Variants in SPOCK1 observed in about 807,000 individuals in gnomAD.
The protein encoded by SPOCK1 is SPARC (osteonectin), cwcv and kazal like domains proteoglycan 1.
A neutral mutation model predicts 55.3 loss-of-function variants in SPOCK1; 23 were observed. The ratio of observed to expected loss-of-function variants is 0.42; its 90% CI spans 0.30 to 0.59. SPOCK1 has a LOEUF of 0.59. Among genes scored for constraint, SPOCK1 ranks in the 20% least tolerant of loss-of-function variants. SPOCK1 has a pLI of 0.22. For synonymous variants in SPOCK1, 226 were observed against 221.0 expected (o/e 1.02, Z -0.20); for missense variants, 499 against 552.5 (o/e 0.90, Z 0.97).
At chr5:137,116,922 A>C (rs1357412135) in intron 4 of SPOCK1, among the ~76,000 whole-genome samples, 1 of 152,098 alleles carries the variant, frequency 6.6e-6, no homozygotes, top group Admixed American at 6.5e-5. Flanking sequence ...CCTGGCTAAA[A>C]TATCAGTTCC....
intron 5 of SPOCK1, among the ~76,000 whole-genome samples, chr5:137,073,870 T>G (rs562952351): frequency 3.9e-5 from 6 of 152,334 alleles, no homozygotes; most frequent in African/African-American, 1.4e-4. Flanking sequence ...ATAGTGTTAT[T>G]ATTACACAAA....
At chr5:137,157,889 G>A (rs923638642) in intron 3 of SPOCK1, among the ~76,000 whole-genome samples, 17 of 152,150 alleles carry the variant, frequency 1.1e-4, no homozygotes, top group African/African-American at 3.4e-4. Flanking sequence ...GTGAAACCCC[G>A]TCTTTACTAA....
chr5:137,255,460 GT>G (rs1177083769), intron 3 of SPOCK1, among the ~76,000 whole-genome samples: 1 of 152,096 alleles, frequency 6.6e-6, no homozygotes, highest in Non-Finnish European at 1.5e-5. Context: ...ATACTCAAAT[GT>G]TTTTTCTTAT....
At chr5:137,363,069 A>G (rs1229708) in intron 2 of SPOCK1, among the ~76,000 whole-genome samples, 75,002 of 152,034 alleles carry the variant, frequency 0.49, 18,906 homozygotes, top group East Asian at 0.65. Flanking sequence ...CCTTCACCAC[A>G]TGAACACGTA....
At chr5:137,132,580 G>C (rs1043829808) in intron 4 of SPOCK1, among the ~76,000 whole-genome samples, 9 of 152,186 alleles carry the variant, frequency 5.9e-5, no homozygotes, top group Admixed American at 2.0e-4. Flanking sequence ...CAGGAAATCG[G>C]AGGGCATTGC....
At chr5:137,289,869 T>C (rs1438054061) in intron 2 of SPOCK1, among the ~76,000 whole-genome samples, 4 of 152,104 alleles carry the variant, frequency 2.6e-5, no homozygotes, top group African/African-American at 7.2e-5. Flanking sequence ...AAAGTATGAA[T>C]AGGCACTTTA....
At chr5:137,377,531 A>C (rs961724880) in intron 2 of SPOCK1, among the ~76,000 whole-genome samples, 2 of 152,230 alleles carry the variant, frequency 1.3e-5, no homozygotes, top group African/African-American at 4.8e-5. Context: ...AAATATTTTA[A>C]TGTGTGATGT....
chr5:137,419,316 A>C (rs1468759747), intron 2 of SPOCK1, among the ~76,000 whole-genome samples: 1 of 152,120 alleles, frequency 6.6e-6, no homozygotes, highest in Non-Finnish European at 1.5e-5. Context: ...ACTTTAAAGT[A>C]GTTTTTTCCA....
At chr5:137,497,144 C>A (rs752111991) in intron 2 of SPOCK1, among the ~76,000 whole-genome samples, 1 of 152,340 alleles carries the variant, frequency 6.6e-6, no homozygotes, top group African/African-American at 2.4e-5. Context: ...CCTGCAGATA[C>A]TGAGAGCAGA....
At chr5:137,008,144 T>TG (rs1751286107) in intron 6 of SPOCK1, among the ~76,000 whole-genome samples, 3 of 62,150 alleles carry the variant, frequency 4.8e-5, no homozygotes, top group South Asian at 6.5e-4. Flanking sequence ...TGTCGGGGGG[T>TG]GGGGGGCAAG....
At chr5:137,366,950 T>C (rs747703577) in intron 2 of SPOCK1, among the ~76,000 whole-genome samples, 1 of 152,206 alleles carries the variant, frequency 6.6e-6, no homozygotes, top group Non-Finnish European at 1.5e-5. Flanking sequence ...AATTTTTAAA[T>C]ACAAGGCCTT....
At chr5:137,131,154 T>C (rs971181927) in intron 4 of SPOCK1, among the ~76,000 whole-genome samples, 2 of 152,198 alleles carry the variant, frequency 1.3e-5, no homozygotes, top group African/African-American at 4.8e-5. Context: ...TGATATAAAG[T>C]GTCTAAACTG....
chr5:137,077,170 C>T (rs990080554), intron 5 of SPOCK1, among the ~76,000 whole-genome samples: 9 of 152,228 alleles, frequency 5.9e-5, no homozygotes, highest in Non-Finnish European at 1.0e-4. Context: ...GTGATCCACC[C>T]GCCTCGTCCT....
intron 2 of SPOCK1, among the ~76,000 whole-genome samples, chr5:137,291,075 C>A (rs934096457): frequency 6.6e-6 from 1 of 152,222 alleles, no homozygotes; most frequent in Non-Finnish European, 1.5e-5. Flanking sequence ...AGCCTAGATT[C>A]ACCTGGTAGT....
At chr5:137,438,742 A>G (rs1414995623) in intron 2 of SPOCK1, among the ~76,000 whole-genome samples, 1 of 152,218 alleles carries the variant, frequency 6.6e-6, no homozygotes, top group Non-Finnish European at 1.5e-5. Flanking sequence ...GGAAGGTAGC[A>G]TCTCTTCTCA....
intron 9 of SPOCK1, among the ~76,000 whole-genome samples, chr5:136,982,781 T>C (rs1174048533): frequency 2.0e-5 from 3 of 152,182 alleles, no homozygotes; most frequent in African/African-American, 7.2e-5. Context: ...TCTGGGATCA[T>C]TTGTTTGGTA....
At chr5:137,425,381 CTG>C (rs1399626439) in intron 2 of SPOCK1, among the ~76,000 whole-genome samples, 1 of 152,082 alleles carries the variant, frequency 6.6e-6, no homozygotes, top group African/African-American at 2.4e-5. Flanking sequence ...GGCTTTTCAT[CTG>C]TGTCACGTCA....
intron 6 of SPOCK1, among the ~76,000 whole-genome samples, chr5:137,025,243 A>G (rs948931774): frequency 6.6e-6 from 1 of 152,144 alleles, no homozygotes; most frequent in Non-Finnish European, 1.5e-5. Flanking sequence ...GGTAGACCTC[A>G]TGTTAAGGTA....
chr5:137,110,649 C>A (rs1753450352), intron 5 of SPOCK1, among the ~76,000 whole-genome samples: 1 of 152,166 alleles, frequency 6.6e-6, no homozygotes, highest in South Asian at 2.1e-4. Flanking sequence ...TTTAGTTGAG[C>A]TGAGATGGGC....
Sources: allele counts gnomAD v4.1 joint callset (sites outside exome capture counted in the v4.1 genomes callset), GRCh38; gene constraint gnomAD v4.1.1; transcripts MANE v1.5; gene names NCBI Gene and HGNC (gene_info 2026-07-23, HGNC 2026-07-21).